The following GOLGA1 variants were observed in gnomAD, a reference collection of about 807,000 sequenced individuals.
GOLGA1 encodes the protein golgin subfamily A member 1.
Under a neutral mutation model 119.7 loss-of-function variants are expected in GOLGA1, and 63 were observed. The observed-to-expected ratio is 0.53, with a 90% CI of 0.43 to 0.65. The LOEUF is 0.65. GOLGA1 is among the 30% of genes least tolerant of loss of function. The pLI is 0.00. For missense variants in GOLGA1, 798 were observed against 912.8 expected (o/e 0.87, Z 1.62); for synonymous variants, 318 against 333.4 (o/e 0.95, Z 0.50).
chr9:124,895,641 G>C (rs991871622), intron 15 of GOLGA1, among the ~76,000 whole-genome samples: 4 of 139,984 alleles, frequency 2.9e-5, no homozygotes, highest in African/African-American at 8.2e-5. Context: ...CCACGACAGA[G>C]AGCCTCCACG....
chr9:124,882,661 C>T, intron 19 of GOLGA1, 92 bp from the exon 20 acceptor site: 2 of 993,018 alleles, frequency 2.0e-6, no homozygotes, highest in Non-Finnish European at 3.1e-6. Flanking sequence ...ATCCCCTGTA[C>T]ACCTGTGAGG....
At chr9:124,936,761 T>C (rs530104366) in intron 3 of GOLGA1, among the ~76,000 whole-genome samples, 78 of 152,348 alleles carry the variant, frequency 5.1e-4, no homozygotes, top group South Asian at 1.7e-3. Flanking sequence ...TGGAATCTTA[T>C]ACAGCAGTAA....
chr9:124,911,348 G>C (rs1830336519), intron 11 of GOLGA1, among the ~76,000 whole-genome samples: 1 of 152,202 alleles, frequency 6.6e-6, no homozygotes, highest in Non-Finnish European at 1.5e-5. Flanking sequence ...TCATGACCTG[G>C]GCTTTGTCAC....
intron 19 of GOLGA1, among the ~76,000 whole-genome samples, chr9:124,886,951 AG>A (rs1829736669): frequency 6.6e-6 from 1 of 152,086 alleles, no homozygotes; most frequent in Non-Finnish European, 1.5e-5. Context: ...CTGAGCTTCG[AG>A]GGGACCTGAA....
chr9:124,936,620 A>AC (rs1340306205), intron 3 of GOLGA1, among the ~76,000 whole-genome samples: 1 of 151,950 alleles, frequency 6.6e-6, no homozygotes, highest in East Asian at 1.9e-4. Context: ...AAAAAAAAAA[A>AC]AAAAAACTTT....
In GOLGA1 at chr9:124,926,796, A is replaced by G. The variant is rs1251117659; in HGVS notation, c.400-55T>C. ...TCCAGTGAAGAGTATCTGTAATACCAAGATTTTCAGAAAACAAAACAACCC... is the reference window on the plus strand; with the variant it reads ...TCCAGTGAAGAGTATCTGTAATACCGAGATTTTCAGAAAACAAAACAACCC... On this transcript the variant is annotated intron_variant, in intron 6 of 22. Coordinates refer to ENST00000373555, the MANE Select transcript of GOLGA1 (RefSeq NM_002077.4). The G allele has an allele frequency of 2.8e-5, 26 of 922,592 alleles. No homozygotes were observed. The East Asian group carries it at 6.9e-4, about 25-fold the overall frequency. 57.2% of individuals were successfully genotyped at this position (922,592 alleles called of 1,614,324 possible). A position where few individuals can be genotyped will look rare whatever the true frequency, so the allele number is the denominator to read the frequency against.
At chr9:124,906,576 C>A (rs902118566) in intron 12 of GOLGA1, among the ~76,000 whole-genome samples, 3 of 152,050 alleles carry the variant, frequency 2.0e-5, no homozygotes, top group African/African-American at 7.2e-5. Context: ...ATGATGAAAC[C>A]CTGTCTCTAC....
intron 3 of GOLGA1, among the ~76,000 whole-genome samples, chr9:124,936,309 T>C (rs999340489): frequency 6.6e-6 from 1 of 152,114 alleles, no homozygotes; most frequent in South Asian, 2.1e-4. Flanking sequence ...TTCTGCCATG[T>C]AATCTGACCT....
rs1829517287 is a variant in GOLGA1 at position 124,879,281 on chromosome 9, T to C, written c.*1249A>G. 1 of 152,200 alleles carries C rather than the reference T, an allele frequency of 6.6e-6. No homozygotes were observed. The highest frequency in any genetic ancestry group is 1.5e-5 in the Non-Finnish European group (1 of 68,034). The allele number at this position is 152,200 out of a possible 1,614,324, so 9.4% of individuals were successfully genotyped here. A position where few individuals can be genotyped will look rare whatever the true frequency, so the allele number is the denominator to read the frequency against. On this transcript the variant is annotated 3_prime_UTR_variant, in exon 23 of 23. Coordinates refer to ENST00000373555, the MANE Select transcript of GOLGA1 (RefSeq NM_002077.4). The stretch of plus-strand genomic sequence containing the variant: ...AACGGTTTCCTTTTAGATTCAATAT[T>C]GTGGCTTTTCCAGAACCAGCATGTT...
upstream of GOLGA1, chr9:124,944,634 A>G (rs1451400030): frequency 2.0e-5 from 3 of 152,096 alleles, no homozygotes. Context: ...TTTAATTTAG[A>G]AAAAAAGCAA....
chr9:124,936,476 T>C (rs1431447574), intron 3 of GOLGA1, among the ~76,000 whole-genome samples: 1 of 152,148 alleles, frequency 6.6e-6, no homozygotes, highest in East Asian at 1.9e-4. Flanking sequence ...AGTCTTGCTC[T>C]GTTGCCTAAG....
chr9:124,890,356 G>A, intron 16 of GOLGA1, 33 bp downstream of exon 16: 1 of 1,408,446 alleles, frequency 7.1e-7, no homozygotes, highest in South Asian at 1.1e-5. Context: ...GACTGCAGGG[G>A]GACATCGCCC....
In GOLGA1 at chr9:124,888,202, A is replaced by G. The variant is rs765543096; in HGVS notation, c.1905+51T>C. On this transcript the variant is annotated intron_variant, in intron 19 of 22. Transcript: ENST00000373555. This position sits in a 1 kb window ranked among gnomAD's most constrained non-coding sequence, Gnocchi z 4.4. ...GATGGACTGGGTCATTTTAGGCCTG[A>G]GGGTGAGGACCTGGTGGAGACAGAA... 6.3e-7 allele frequency: 1 copy of G among 1,576,300 alleles called. No individual in the cohort carries two copies. Among genetic ancestry groups the G allele is most frequent in the Non-Finnish European group, 8.7e-7 (1 of 1,146,364 alleles).
intron 8 of GOLGA1, among the ~76,000 whole-genome samples, chr9:124,922,444 G>A (rs1027240786): frequency 2.0e-5 from 3 of 151,098 alleles, no homozygotes; most frequent in African/African-American, 7.3e-5. Flanking sequence ...CCAGCTACTC[G>A]GGAGGCTTAG....
chr9:124,884,244 T>C (rs926960394), intron 19 of GOLGA1, among the ~76,000 whole-genome samples: 1 of 141,806 alleles, frequency 7.1e-6, no homozygotes, highest in African/African-American at 2.5e-5. Context: ...ACTCCTGGCC[T>C]CAGGTGATCT....
intron 12 of GOLGA1, among the ~76,000 whole-genome samples, chr9:124,902,151 G>A (rs1199854774): frequency 3.3e-5 from 5 of 152,038 alleles, no homozygotes; most frequent in African/African-American, 9.7e-5. Flanking sequence ...TCGCTCTGTC[G>A]CCCAGGCTGG....
chr9:124,891,804 C>G (rs747774407), intron 15 of GOLGA1, among the ~76,000 whole-genome samples: 1 of 151,766 alleles, frequency 6.6e-6, no homozygotes, highest in African/African-American at 2.4e-5. Context: ...GCCACCACAC[C>G]CAGCTAATTT....
chr9:124,908,433 G>A lies in GOLGA1; in HGVS notation c.1009C>T (p.Gln337Ter). 6.2e-7 allele frequency: 1 copy of A among 1,611,310 alleles called. No individual in the cohort carries two copies. The highest frequency in any genetic ancestry group is 8.5e-7 in the Non-Finnish European group (1 of 1,177,408). Residue 337 changes from glutamine (Q) to a stop codon, truncating the protein, a stop_gained, in exon 12 of 23, where the codon CAG (glutamine) becomes TAG (stop). Transcript: ENST00000373555. LOFTEE classifies it high-confidence loss of function. ...TGGCTGCTTCTGGCTGCCAAGAGCT[G>A]TTGTCTGGTATCCTCCAAATTCTGC... is the stretch of plus-strand genomic sequence containing the variant. ...AEQNLEDTRQ[Q>*]LLAARSSQAK...
intron 22 of GOLGA1, among the ~76,000 whole-genome samples, chr9:124,880,888 T>TC (rs1829562826): frequency 6.6e-6 from 1 of 152,248 alleles, no homozygotes; most frequent in Non-Finnish European, 1.5e-5. Context: ...GCTTTTGGAA[T>TC]TTGAGTGCCG....
Sources: allele counts gnomAD v4.1 joint callset (sites outside exome capture counted in the v4.1 genomes callset), GRCh38; gene constraint gnomAD v4.1.1; non-coding constraint Gnocchi (gnomAD v3.1); transcripts MANE v1.5; gene names NCBI Gene and HGNC (gene_info 2026-07-23, HGNC 2026-07-21).